The following GRM5 variants were observed in gnomAD, a reference collection of about 807,000 sequenced individuals.
GRM5 encodes the protein metabotropic glutamate receptor 5.
A neutral mutation model predicts 83.1 loss-of-function variants in GRM5; 19 were observed. The observed-to-expected ratio is 0.23, with a 90% CI of 0.16 to 0.34. The LOEUF (loss-of-function observed/expected upper bound fraction) is 0.34, where lower values mean the gene tolerates loss of function less well. Ranked by LOEUF, GRM5 falls within the 10% of genes least tolerant of loss-of-function variation. The probability of loss-of-function intolerance (pLI) is 1.00; values close to 1 mark genes in which losing one functional copy is unlikely to be tolerated. For synonymous variants in GRM5, 675 were observed against 633.6 expected, an observed-to-expected ratio of 1.07 and a Z score of -0.98; for missense variants, 1,160 against 1,588.3, an observed-to-expected ratio of 0.73 and a Z score of 4.58.
chr11:88,763,803 A>C (rs1341516711), intron 3 of GRM5, among the ~76,000 whole-genome samples: 1 of 151,796 alleles, frequency 6.6e-6, no homozygotes, highest in Non-Finnish European at 1.5e-5. Context: ...GATAAACCCA[A>C]AGGAAGTTAT....
intron 2 of GRM5, among the ~76,000 whole-genome samples, chr11:88,918,768 G>C (rs1382151891): frequency 6.9e-6 from 1 of 145,424 alleles, no homozygotes; most frequent in Admixed American, 6.8e-5. Context: ...GTTAAATGTA[G>C]AGTTTTTATT....
At chr11:88,575,157 G>A (rs888026907) in intron 7 of GRM5, among the ~76,000 whole-genome samples, 1 of 152,140 alleles carries the variant, frequency 6.6e-6, no homozygotes, top group East Asian at 1.9e-4. Context: ...TGTTAAGCAA[G>A]TTTTATTGGT....
chr11:88,943,891 A>G (rs1178925096), intron 2 of GRM5, among the ~76,000 whole-genome samples: 2 of 152,024 alleles, frequency 1.3e-5, no homozygotes, highest in African/African-American at 4.8e-5. Context: ...CCAACCGAGC[A>G]CAGACCCTTA....
At chr11:89,029,673 A>G (rs1158735719) in intron 2 of GRM5, among the ~76,000 whole-genome samples, 2 of 152,152 alleles carry the variant, frequency 1.3e-5, no homozygotes, top group African/African-American at 2.4e-5. Flanking sequence ...TGCATCCCTA[A>G]TGAGATTTTA....
chr11:88,938,328 T>C (rs1445154268), intron 2 of GRM5, among the ~76,000 whole-genome samples: 1 of 151,644 alleles, frequency 6.6e-6, no homozygotes, highest in Admixed American at 6.6e-5. Context: ...TTTTGTGTTT[T>C]AAAGCAATAC....
chr11:88,833,173 GAT>G (rs1238548903), intron 3 of GRM5, among the ~76,000 whole-genome samples: 1 of 151,956 alleles, frequency 6.6e-6, no homozygotes, highest in Non-Finnish European at 1.5e-5. Flanking sequence ...AGAGTGAAGA[GAT>G]AACCTGTTGA....
At chr11:88,799,448 G>T (rs1160335971) in intron 3 of GRM5, among the ~76,000 whole-genome samples, 1 of 152,086 alleles carries the variant, frequency 6.6e-6, no homozygotes, top group East Asian at 1.9e-4. Context: ...TACATGTGAT[G>T]CATTTTGATA....
chr11:88,972,872 T>A (rs1939210190), intron 2 of GRM5, among the ~76,000 whole-genome samples: 1 of 152,190 alleles, frequency 6.6e-6, no homozygotes, highest in African/African-American at 2.4e-5. Context: ...TACCTTCTGA[T>A]ATACACACTG....
At chr11:88,854,196 ATAAC>A (rs1944434331) in intron 2 of GRM5, among the ~76,000 whole-genome samples, 1 of 151,744 alleles carries the variant, frequency 6.6e-6, no homozygotes, top group East Asian at 1.9e-4. Context: ...GACCTGTTAG[ATAAC>A]TAACACATGT....
chr11:89,061,636 T>A (rs749308800), intron 1 of GRM5, among the ~76,000 whole-genome samples: 17 of 152,196 alleles, frequency 1.1e-4, no homozygotes, highest in Non-Finnish European at 2.4e-4. Flanking sequence ...ATAATAGATA[T>A]GAGTGAATTT....
intron 3 of GRM5, among the ~76,000 whole-genome samples, chr11:88,845,661 C>T (rs1944291917): frequency 6.6e-6 from 1 of 151,644 alleles, no homozygotes; most frequent in Non-Finnish European, 1.5e-5. Context: ...TCTTGATCTC[C>T]TGACTTCATG....
chr11:88,748,789 G>A (rs72968469), intron 3 of GRM5, among the ~76,000 whole-genome samples: 12,964 of 152,086 alleles, frequency 0.085, 632 homozygotes, highest in African/African-American at 0.14. Flanking sequence ...ATACCTCCAG[G>A]TATGGGAAAA....
intron 3 of GRM5, among the ~76,000 whole-genome samples, chr11:88,682,596 A>G (rs1398116205): frequency 6.6e-6 from 1 of 152,130 alleles, no homozygotes; most frequent in African/African-American, 2.4e-5. Flanking sequence ...CTTTCCTTCA[A>G]GGATATATTC....
intron 7 of GRM5, among the ~76,000 whole-genome samples, chr11:88,579,975 G>A (rs1331595118): frequency 1.3e-5 from 2 of 152,198 alleles, no homozygotes; most frequent in African/African-American, 4.8e-5. Context: ...ACTGGAGGTA[G>A]TGAGAAGTGG....
At chr11:88,712,953 G>A (rs948631609) in intron 3 of GRM5, among the ~76,000 whole-genome samples, 2 of 151,922 alleles carry the variant, frequency 1.3e-5, no homozygotes, top group East Asian at 3.9e-4. Context: ...ATTCAGTGAG[G>A]TTTGTTTCTT....
intron 3 of GRM5, among the ~76,000 whole-genome samples, chr11:88,665,824 T>C (rs1940029113): frequency 7.4e-6 from 1 of 134,652 alleles, no homozygotes; most frequent in Non-Finnish European, 1.6e-5. Flanking sequence ...AGCTATCTAG[T>C]CAGCCAGTAC....
intron 3 of GRM5, among the ~76,000 whole-genome samples, chr11:88,803,416 A>T (rs1340285910): frequency 2.6e-5 from 4 of 152,178 alleles, no homozygotes; most frequent in Non-Finnish European, 5.9e-5. Context: ...GACAAACTTG[A>T]GAAAAACAAG....
intron 2 of GRM5, among the ~76,000 whole-genome samples, chr11:89,026,093 T>A (rs1439218038): frequency 1.3e-5 from 2 of 152,132 alleles, no homozygotes; most frequent in African/African-American, 2.4e-5. Context: ...TTCTCACTTG[T>A]AAGGATGAGC....
At chr11:88,582,347 T>G (rs1274893829) in intron 7 of GRM5, among the ~76,000 whole-genome samples, 1 of 152,228 alleles carries the variant, frequency 6.6e-6, no homozygotes, top group Non-Finnish European at 1.5e-5. Flanking sequence ...GCATTATATG[T>G]ATAATTTAAT....
Sources: allele counts gnomAD v4.1 joint callset (sites outside exome capture counted in the v4.1 genomes callset), GRCh38; gene constraint gnomAD v4.1.1; transcripts MANE v1.5; gene names NCBI Gene and HGNC (gene_info 2026-07-23, HGNC 2026-07-21).